The following CSDE1 variants were observed in gnomAD, a reference collection of about 807,000 sequenced individuals.
The protein encoded by CSDE1 is cold shock domain containing E1.
A neutral mutation model predicts 89.3 loss-of-function variants in CSDE1; 17 were observed. That is an observed-to-expected ratio of 0.19 (90% CI 0.13 to 0.29). CSDE1 has a LOEUF of 0.29. Ranked by LOEUF, CSDE1 falls within the 10% of genes least tolerant of loss-of-function variation. CSDE1 has a pLI of 1.00. For missense variants in CSDE1, 672 were observed against 984.2 expected, an observed-to-expected ratio of 0.68 and a Z score of 4.24; for synonymous variants, 322 against 332.8, an observed-to-expected ratio of 0.97 and a Z score of 0.35.
intron 2 of CSDE1, among the ~76,000 whole-genome samples, chr1:114,747,236 C>G (rs183482342): frequency 8.5e-5 from 13 of 152,076 alleles, no homozygotes; most frequent in African/African-American, 3.1e-4. Flanking sequence ...TTCCTAATTA[C>G]GTACTATTTT....
At chr1:114,752,609 TTAAA>T (rs1661368343) in intron 1 of CSDE1, among the ~76,000 whole-genome samples, 1 of 152,202 alleles carries the variant, frequency 6.6e-6, no homozygotes, top group South Asian at 2.1e-4. Flanking sequence ...CGCCTAATCC[TTAAA>T]CACAACTCTT....
Position 114,718,209 on chromosome 1 carries a change from C to T in CSDE1, c.2357G>A (p.Gly786Asp), listed in dbSNP as rs774579235. The change falls in exon 20 of 20, where the codon GGT becomes GAT. Residue 786 changes from glycine (G) to aspartate (D), a missense_variant. This residue lies in a region of CSDE1 where 206 missense variants were observed against 332.4 expected (regional missense o/e 0.62). Transcript: ENST00000358528. ...PRGPDNSMGF[G>D]AERKIRQAGV... Reference sequence around the variant, plus strand: ...AGCTTGACGGATCTTTCTTTCTGCACCAAACCCCTGTGGGGGGGAGAAAAA... The same window carrying T: ...AGCTTGACGGATCTTTCTTTCTGCATCAAACCCCTGTGGGGGGGAGAAAAA... The T allele has an allele frequency of 8.1e-6, 13 of 1,613,888 alleles. No homozygotes were observed. The highest frequency in any genetic ancestry group is 1.1e-5 in the Non-Finnish European group (13 of 1,179,950).
At chr1:114,735,515 A>G (rs1660352142) in intron 6 of CSDE1, among the ~76,000 whole-genome samples, 1 of 152,210 alleles carries the variant, frequency 6.6e-6, no homozygotes, top group African/African-American at 2.4e-5. Flanking sequence ...ACAGATGAAG[A>G]AACTTACCAG....
chr1:114,746,786 C>G (rs1463152869), intron 2 of CSDE1: 1 of 152,194 alleles, frequency 6.6e-6, no homozygotes, highest in Non-Finnish European at 1.5e-5. Flanking sequence ...ATGAGCTAGT[C>G]TGCCAAGTTA....
At chr1:114,738,841 T>C (rs1312491637) in intron 3 of CSDE1, among the ~76,000 whole-genome samples, 3 of 151,850 alleles carry the variant, frequency 2.0e-5, no homozygotes, top group Admixed American at 6.6e-5. Context: ...CAGCTAATTT[T>C]TGCATTTTTT....
rs1438846004 is a variant in CSDE1, at chr1:114,737,458, T to A, written c.402+13A>T. ...GGATCAGGCAAAGGTTTAAGAAAAA[T>A]ACACAAGTTTACCCCATTACGTTCG... On this transcript the variant is annotated intron_variant, in intron 5 of 19. Transcript: ENST00000358528. 6.2e-7 allele frequency: 1 copy of A among 1,601,370 alleles called. No individual in the cohort carries two copies. Among genetic ancestry groups the A allele is most frequent in the Non-Finnish European group, 8.6e-7 (1 of 1,169,218 alleles).
At chr1:114,744,360 C>T (rs921989719) in intron 2 of CSDE1, among the ~76,000 whole-genome samples, 2 of 152,116 alleles carry the variant, frequency 1.3e-5, no homozygotes, top group Non-Finnish European at 2.9e-5. Flanking sequence ...GGTGGCAGAT[C>T]ACCTGAGCCC....
In CSDE1 at chr1:114,724,002, A is replaced by C. The variant is rs1483150115; in HGVS notation, c.1754T>G (p.Val585Gly). Residue 585 changes from valine (V) to glycine (G), a missense_variant and splice_region_variant, in exon 16 of 20, where the codon GTG (valine) becomes GGG (glycine). This residue lies in a region of CSDE1 where 206 missense variants were observed against 332.4 expected (regional missense o/e 0.62). Coordinates refer to ENST00000358528, the MANE Select transcript of CSDE1 (RefSeq NM_001007553.3). The part of the protein sequence containing the change: ...SAEKVNKTHS[V>G]NGITEEADPT... Reference sequence around the variant, plus strand: ...ATCAGCTTCCTCAGTAATGCCATTCACTACAAAACAAAGGCAGGTACATCT... The same window carrying C: ...ATCAGCTTCCTCAGTAATGCCATTCCCTACAAAACAAAGGCAGGTACATCT... 1 of 1,611,912 alleles carries C rather than the reference A, an allele frequency of 6.2e-7. No homozygotes were observed. The highest frequency in any genetic ancestry group is 1.7e-5 in the Admixed American group (1 of 59,638).
At position 114,717,120 on chromosome 1, in the gene CSDE1, C is replaced by T. The variant is rs1412745034; in HGVS notation, c.*1049G>A. ...CCCTTGTCATCTTAGACAAAGCCTT[C>T]AGTCCACTGGCCAGGGACCCTGTAT... On this transcript the variant is annotated 3_prime_UTR_variant, in exon 20 of 20. Coordinates refer to ENST00000358528, the MANE Select transcript of CSDE1 (RefSeq NM_001007553.3). 1 of 152,666 alleles carries T rather than the reference C, an allele frequency of 6.6e-6. No homozygotes were observed. Among genetic ancestry groups the T allele is most frequent in the African/African-American group, 2.4e-5 (1 of 41,458 alleles). The allele number at this position is 152,666 out of a possible 1,614,324, so 9.5% of individuals were successfully genotyped here.
Position 114,730,697 on chromosome 1 carries a change from C to T in CSDE1, c.1051-49G>A, listed in dbSNP as rs775697761. The T allele has an allele frequency of 1.9e-6, 3 of 1,601,168 alleles. No homozygotes were observed. In the African/African-American group the frequency reaches 4.0e-5, roughly 21 times the overall value. On this transcript the variant is annotated intron_variant, in intron 10 of 19. Transcript: ENST00000358528. ...CTGGCTGTGAAACTTGTCAAGAAGGCAACATTCAACTTTACAACCACCATC... is the reference window on the plus strand; with the variant it reads ...CTGGCTGTGAAACTTGTCAAGAAGGTAACATTCAACTTTACAACCACCATC...
intron 18 of CSDE1, 112 bp from the exon 19 acceptor site, chr1:114,718,857 G>T (rs1348209277): frequency 8.4e-7 from 1 of 1,184,872 alleles, no homozygotes; most frequent in Non-Finnish European, 1.2e-6. Flanking sequence ...TTTTTATGAT[G>T]GGACTCTTGC....
rs574200561 is a variant in CSDE1, at chr1:114,727,369, C to T, written c.1357-279G>A. Among the ~76,000 whole-genome samples, 9 of 152,250 alleles carry T rather than the reference C, an allele frequency of 5.9e-5. No individual in the cohort carries two copies. In the East Asian group the frequency reaches 9.6e-4, roughly 16 times the overall value. Reference sequence around the variant, plus strand: ...TTACTGAAAATGTTTAATACACCTGCGCTCCTCATAGCCAATCAGAAATTA... The same window carrying T: ...TTACTGAAAATGTTTAATACACCTGTGCTCCTCATAGCCAATCAGAAATTA... On this transcript the variant is annotated intron_variant, in intron 12 of 19. Transcript: ENST00000358528.
intron 7 of CSDE1, 80 bp from the exon 8 acceptor site, chr1:114,734,197 G>A: frequency 2.7e-6 from 4 of 1,470,934 alleles, no homozygotes; most frequent in Non-Finnish European, 1.8e-6. Context: ...AGTAATTTTT[G>A]TAAAATTATA....
intron 1 of CSDE1, among the ~76,000 whole-genome samples, chr1:114,753,892 G>A (rs1332540169): frequency 3.3e-5 from 5 of 152,098 alleles, no homozygotes; most frequent in Non-Finnish European, 7.3e-5. Context: ...CTCTTGCCTG[G>A]GCGACAGAGT....
intron 3 of CSDE1, 128 bp downstream of exon 3, chr1:114,739,564 A>G (rs954121311): frequency 5.6e-6 from 4 of 718,698 alleles, no homozygotes; most frequent in Non-Finnish European, 9.7e-6. Flanking sequence ...ATTCTTCACT[A>G]AACAGTACAA....
intron 1 of CSDE1, among the ~76,000 whole-genome samples, chr1:114,754,034 C>T (rs1293826092): frequency 6.6e-6 from 1 of 152,200 alleles, no homozygotes; most frequent in Non-Finnish European, 1.5e-5. Flanking sequence ...TCCCTTTGCT[C>T]AGCATGGAAA....
intron 14 of CSDE1, among the ~76,000 whole-genome samples, chr1:114,725,957 A>C (rs1018849183): frequency 2.0e-5 from 3 of 152,168 alleles, no homozygotes; most frequent in African/African-American, 7.2e-5. Flanking sequence ...CTTACACTAC[A>C]TTATACACCA....
At chr1:114,735,667 G>C (rs1660360143) in intron 6 of CSDE1, among the ~76,000 whole-genome samples, 1 of 152,160 alleles carries the variant, frequency 6.6e-6, no homozygotes, top group Admixed American at 6.5e-5. Context: ...TCCCAGACAT[G>C]CTCTTAGGAC....
At chr1:114,733,171 C>G (rs1246721631) in intron 9 of CSDE1, among the ~76,000 whole-genome samples, 1 of 152,174 alleles carries the variant, frequency 6.6e-6, no homozygotes, top group Non-Finnish European at 1.5e-5. Flanking sequence ...CTAATCCAAT[C>G]AGGTGCTTTC....
Sources: gnomAD v4.1 joint callset for allele counts (sites outside exome capture counted in the v4.1 genomes callset) on GRCh38, gnomAD v4.1.1 for gene constraint, gnomAD v4.1.1 regional missense constraint, MANE v1.5 for transcripts, NCBI Gene and HGNC (gene_info 2026-07-23, HGNC 2026-07-21) for gene names.